The following ADAM22 variants were observed in gnomAD, a reference collection of about 807,000 sequenced individuals.
The protein encoded by ADAM22 is ADAM metallopeptidase domain 22, also known as disintegrin and metalloproteinase domain-containing protein 22.
ADAM22 carries 65 observed loss-of-function variants against 144.6 expected under a neutral mutation model. The ratio of observed to expected loss-of-function variants is 0.45; its 90% CI spans 0.37 to 0.55. ADAM22 has a LOEUF of 0.55. Among genes scored for constraint, ADAM22 ranks in the 20% least tolerant of loss-of-function variants. ADAM22 has a pLI of 0.00. For synonymous variants in ADAM22, 391 were observed against 412.6 expected (o/e 0.95, Z 0.63); for missense variants, 974 against 1,184.9 (o/e 0.82, Z 2.61).
chr7:88,089,133 A>G, intron 4 of ADAM22, among the ~76,000 whole-genome samples: 1 of 151,358 alleles, frequency 6.6e-6, no homozygotes, highest in East Asian at 1.9e-4. Flanking sequence ...AACAGAAAAG[A>G]TGAACACAGG....
At chr7:87,970,704 A>G (rs1850227399) in intron 2 of ADAM22, among the ~76,000 whole-genome samples, 1 of 152,218 alleles carries the variant, frequency 6.6e-6, no homozygotes, top group Non-Finnish European at 1.5e-5. Context: ...ACAGGCTGCC[A>G]CAAAGCAAAA....
chr7:88,113,251 G>A (rs1826548973), intron 5 of ADAM22, among the ~76,000 whole-genome samples: 1 of 145,398 alleles, frequency 6.9e-6, no homozygotes. Context: ...ACTCTTCTCT[G>A]TTTTACGTAC....
At chr7:88,034,150 C>G (rs1360168270) in intron 3 of ADAM22, among the ~76,000 whole-genome samples, 1 of 152,026 alleles carries the variant, frequency 6.6e-6, no homozygotes, top group East Asian at 1.9e-4. Flanking sequence ...TGGGAATGTG[C>G]TAGTGAAGTC....
chr7:87,975,181 C>A (rs1177402120), intron 2 of ADAM22, among the ~76,000 whole-genome samples: 2 of 152,154 alleles, frequency 1.3e-5, no homozygotes, highest in African/African-American at 4.8e-5. Context: ...CTTCTGGAGG[C>A]CTTCTGAGAC....
chr7:88,084,082 A>G (rs1036706663), intron 4 of ADAM22, among the ~76,000 whole-genome samples: 4 of 152,082 alleles, frequency 2.6e-5, no homozygotes, highest in African/African-American at 7.2e-5. Flanking sequence ...ATCTATTTCT[A>G]TCTGTGTCTG....
chr7:88,136,156 A>T (rs1832941867), intron 14 of ADAM22, 125 bp downstream of exon 14: 1 of 693,080 alleles, frequency 1.4e-6, no homozygotes, highest in Non-Finnish European at 2.1e-6. Context: ...TTTTTGCAAA[A>T]TAACCTCTTA....
chr7:88,139,387 C>T (rs1833947148), intron 14 of ADAM22, among the ~76,000 whole-genome samples: 1 of 151,736 alleles, frequency 6.6e-6, no homozygotes, highest in African/African-American at 2.4e-5. Flanking sequence ...CACTGCACTC[C>T]AGCCTGGGTG....
chr7:88,100,406 C>A (rs1415414120), intron 4 of ADAM22, among the ~76,000 whole-genome samples: 4 of 152,278 alleles, frequency 2.6e-5, no homozygotes, highest in African/African-American at 9.6e-5. Flanking sequence ...GATAGCCTCA[C>A]TTAATTTTAA....
intron 3 of ADAM22, among the ~76,000 whole-genome samples, chr7:88,018,210 GT>G (rs1338904730): frequency 1.3e-5 from 2 of 152,170 alleles, no homozygotes; most frequent in African/African-American, 4.8e-5. Flanking sequence ...CAAGAAAGAA[GT>G]GGTTTTGCCT....
At chr7:88,176,651 GTTTAAA>G (rs1237160931) in intron 26 of ADAM22, among the ~76,000 whole-genome samples, 1 of 152,182 alleles carries the variant, frequency 6.6e-6, no homozygotes, top group Non-Finnish European at 1.5e-5. Flanking sequence ...CTTACTTAAT[GTTTAAA>G]TTTAAATGTT....
intron 25 of ADAM22, among the ~76,000 whole-genome samples, chr7:88,169,925 G>T (rs1345768791): frequency 6.6e-6 from 1 of 152,082 alleles, no homozygotes; most frequent in Non-Finnish European, 1.5e-5. Flanking sequence ...CCTAGTGATG[G>T]AAGTGGATAT....
intron 19 of ADAM22, 22 bp from the exon 20 acceptor site, chr7:88,151,235 G>C (rs749611437): frequency 6.2e-7 from 1 of 1,613,722 alleles, no homozygotes; most frequent in Non-Finnish European, 8.5e-7. Context: ...ATCGCTAATG[G>C]GTATTTGCTT....
chr7:88,130,573 G>A (rs781171596), intron 10 of ADAM22, 114 bp downstream of exon 10: 18 of 1,011,462 alleles, frequency 1.8e-5, no homozygotes, highest in Non-Finnish European at 2.6e-5. Context: ...CTTCAGCCAA[G>A]GTGTCTAGTA....
At chr7:87,939,048 C>A (rs1841945900) in intron 2 of ADAM22, among the ~76,000 whole-genome samples, 1 of 152,188 alleles carries the variant, frequency 6.6e-6, no homozygotes, top group African/African-American at 2.4e-5. Context: ...TTAAGGAATT[C>A]TTAAAGACGT....
intron 25 of ADAM22, among the ~76,000 whole-genome samples, chr7:88,169,740 C>T (rs567499445): frequency 6.6e-6 from 1 of 152,198 alleles, no homozygotes; most frequent in African/African-American, 2.4e-5. Context: ...TCTCCTCACA[C>T]CAGAAGCAAA....
intron 3 of ADAM22, among the ~76,000 whole-genome samples, chr7:87,995,244 T>C (rs1790876546): frequency 6.6e-6 from 1 of 152,214 alleles, no homozygotes; most frequent in African/African-American, 2.4e-5. Context: ...AGGATTTTCT[T>C]TCATGAACAC....
intron 3 of ADAM22, among the ~76,000 whole-genome samples, chr7:88,046,955 C>A (rs1378505302): frequency 6.6e-6 from 1 of 151,990 alleles, no homozygotes; most frequent in Non-Finnish European, 1.5e-5. Context: ...ATGGTAGACT[C>A]AGGAATTAGA....
intron 4 of ADAM22, 43 bp from the exon 5 acceptor site, chr7:88,108,133 T>A (rs1824938678): frequency 6.5e-7 from 1 of 1,545,968 alleles, no homozygotes; most frequent in African/African-American, 1.4e-5. Context: ...CAGCTGATTC[T>A]CCTTGTGATG....
At chr7:88,044,024 G>A (rs1449745521) in intron 3 of ADAM22, among the ~76,000 whole-genome samples, 1 of 152,014 alleles carries the variant, frequency 6.6e-6, no homozygotes, top group Non-Finnish European at 1.5e-5. Flanking sequence ...GCTACAGTAT[G>A]GCATACATTA....
Sources: gnomAD v4.1 joint callset for allele counts (sites outside exome capture counted in the v4.1 genomes callset) on GRCh38, gnomAD v4.1.1 for gene constraint, MANE v1.5 for transcripts, NCBI Gene and HGNC (gene_info 2026-07-23, HGNC 2026-07-21) for gene names.